Variants in GFRA1 observed in about 807,000 individuals in gnomAD.
GFRA1 encodes the protein GDNF family receptor alpha 1.
Under a neutral mutation model 51.6 loss-of-function variants are expected in GFRA1, and 16 were observed. The observed-to-expected ratio is 0.31, with a 90% CI of 0.21 to 0.47. The LOEUF is 0.47. GFRA1 is among the 20% of genes least tolerant of loss of function. GFRA1 has a pLI of 1.00. For synonymous variants in GFRA1, 270 were observed against 241.3 expected, an observed-to-expected ratio of 1.12 and a Z score of -1.10; for missense variants, 530 against 594.3, an observed-to-expected ratio of 0.89 and a Z score of 1.13.
At chr10:116,078,201 C>A (rs1048608447) in intron 9 of GFRA1, among the ~76,000 whole-genome samples, 1 of 152,196 alleles carries the variant, frequency 6.6e-6, no homozygotes, top group Non-Finnish European at 1.5e-5. Context: ...GCTTGTATGG[C>A]AGCCTTAACA....
At chr10:116,236,482 T>C (rs1246272280) in intron 4 of GFRA1, among the ~76,000 whole-genome samples, 1 of 152,048 alleles carries the variant, frequency 6.6e-6, no homozygotes. Context: ...TAAATTAATA[T>C]GGTCCCTGCC....
chr10:116,268,174 G>C (rs1589926747), intron 4 of GFRA1, among the ~76,000 whole-genome samples: 1 of 152,166 alleles, frequency 6.6e-6, no homozygotes, highest in East Asian at 1.9e-4. Flanking sequence ...GTAGCAAAGG[G>C]TAGATGTTAC....
chr10:116,167,887 T>C (rs1397411783), intron 5 of GFRA1, among the ~76,000 whole-genome samples: 1 of 152,114 alleles, frequency 6.6e-6, no homozygotes, highest in Non-Finnish European at 1.5e-5. Context: ...AATCCAGTCC[T>C]GATTCATGAA....
intron 5 of GFRA1, among the ~76,000 whole-genome samples, chr10:116,148,663 G>A (rs1958937495): frequency 6.6e-6 from 1 of 152,152 alleles, no homozygotes; most frequent in Admixed American, 6.5e-5. Flanking sequence ...TCCAGAATGA[G>A]CTTTACTAGG....
At chr10:116,065,012 CTCTGGCT>C (rs551269575) in intron 10 of GFRA1, among the ~76,000 whole-genome samples, 3 of 152,150 alleles carry the variant, frequency 2.0e-5, no homozygotes, top group Non-Finnish European at 4.4e-5. Flanking sequence ...TAAACCAGAA[CTCTGGCT>C]TCTGGATTCC....
chr10:116,274,590 T>C (rs1334687361), upstream of GFRA1, among the ~76,000 whole-genome samples: 3 of 152,050 alleles, frequency 2.0e-5, no homozygotes, highest in East Asian at 5.8e-4. Context: ...GCGGGCTGCA[T>C]ATTGTGTGGA....
intron 8 of GFRA1, 117 bp downstream of exon 8, chr10:116,093,585 T>G: frequency 1.1e-6 from 1 of 875,246 alleles, no homozygotes; most frequent in Non-Finnish European, 1.9e-6. Flanking sequence ...AGGCACAAGG[T>G]ACAAGAGGTA....
At chr10:116,079,643 C>T (rs1275575420) in intron 9 of GFRA1, among the ~76,000 whole-genome samples, 2 of 152,068 alleles carry the variant, frequency 1.3e-5, no homozygotes, top group Non-Finnish European at 2.9e-5. Context: ...ACGGTAGAGG[C>T]CAGGGACGCT....
rs113971920 is a variant in GFRA1 at position 116,269,603 on chromosome 10, G to A, written c.335-17C>T. On this transcript the variant is annotated splice_polypyrimidine_tract_variant and intron_variant, in intron 3 of 10. Transcript: ENST00000355422. ...GATCATTTCCTAAAAACAACAGAAA[G>A]ATTGGGCTCAGATCAGAAAAACATA... is the stretch of plus-strand genomic sequence containing the variant. The A allele has an allele frequency of 1.4e-6, 2 of 1,465,882 alleles. No homozygotes were observed. The highest frequency in any genetic ancestry group is 1.4e-5 in the African/African-American group (1 of 72,194). The allele number at this position is 1,465,882 out of a possible 1,614,324, so 90.8% of individuals were successfully genotyped here. A position where few individuals can be genotyped will look rare whatever the true frequency, so the allele number is the denominator to read the frequency against.
chr10:116,246,701 C>A lies in GFRA1; in HGVS notation c.418+22802G>T, dbSNP rs148870506. On this transcript the variant is annotated intron_variant, in intron 4 of 10. Transcript: ENST00000355422. ...AAATAGTAAATTAAAAGCAAAATAG[C>A]AATTAGTAAATTAAAGGATGACTAC... 3.6e-3 allele frequency among the ~76,000 whole-genome samples: 553 copies of A among 152,130 alleles called. 4 individuals carry two copies. Among genetic ancestry groups the A allele is most frequent in the African/African-American group, 0.013 (534 of 41,508 alleles).
intron 6 of GFRA1, among the ~76,000 whole-genome samples, chr10:116,111,712 A>G (rs1957220449): frequency 6.6e-6 from 1 of 152,216 alleles, no homozygotes; most frequent in Non-Finnish European, 1.5e-5. Context: ...GCAGCAGGGA[A>G]TGGTAAGCCC....
At chr10:116,196,567 TA>T (rs1446230153) in intron 5 of GFRA1, among the ~76,000 whole-genome samples, 743 of 52,688 alleles carry the variant, frequency 0.014, 38 homozygotes, top group Non-Finnish European at 0.023. Context: ...ATACTATATA[TA>T]ATATATATAA....
chr10:116,236,690 A>G (rs1409401790), intron 4 of GFRA1, among the ~76,000 whole-genome samples: 1 of 152,196 alleles, frequency 6.6e-6, no homozygotes, highest in Non-Finnish European at 1.5e-5. Flanking sequence ...ATGGAGTTGA[A>G]GAAGGAGAAT....
chr10:116,126,898 A>G (rs551857922), intron 5 of GFRA1, among the ~76,000 whole-genome samples: 2 of 152,314 alleles, frequency 1.3e-5, no homozygotes, highest in South Asian at 2.1e-4. Context: ...GGCACACGGT[A>G]TATTATTCAG....
At chr10:116,078,176 T>C (rs1955697260) in intron 9 of GFRA1, among the ~76,000 whole-genome samples, 2 of 152,174 alleles carry the variant, frequency 1.3e-5, no homozygotes, top group African/African-American at 4.8e-5. Flanking sequence ...ATTGAAAATG[T>C]AGTTGAGCAT....
intron 6 of GFRA1, among the ~76,000 whole-genome samples, chr10:116,097,745 CTG>C (rs1226649174): frequency 1.3e-5 from 2 of 152,214 alleles, no homozygotes; most frequent in Non-Finnish European, 2.9e-5. Context: ...CAATGGGAGG[CTG>C]TCTCAGTTCT....
chr10:116,064,061 C>G lies in GFRA1; in HGVS notation c.*337G>C, dbSNP rs557193251. Reference sequence around the variant, plus strand: ...AAATCATCATCATGATCATGATGATCATCATCATGATCATGATGATCATCA... The same window carrying G: ...AAATCATCATCATGATCATGATGATGATCATCATGATCATGATGATCATCA... On this transcript the variant is annotated 3_prime_UTR_variant, in exon 11 of 11. Coordinates refer to ENST00000355422, the MANE Select transcript of GFRA1 (RefSeq NM_005264.8). 1.0e-3 allele frequency: 140 copies of G among 133,680 alleles called. 2 individuals are homozygous for G. Among genetic ancestry groups the G allele is most frequent in the Middle Eastern group, 8.0e-3 (3 of 376 alleles). 8.3% of individuals were successfully genotyped at this position (133,680 alleles called of 1,614,324 possible).
intron 9 of GFRA1, among the ~76,000 whole-genome samples, chr10:116,087,772 C>T (rs574819246): frequency 1.3e-5 from 2 of 152,210 alleles, no homozygotes; most frequent in South Asian, 2.1e-4. Context: ...GCAGAGCACC[C>T]GCTGGAGATG....
At chr10:116,205,509 A>G (rs1184833814) in intron 5 of GFRA1, among the ~76,000 whole-genome samples, 1 of 151,638 alleles carries the variant, frequency 6.6e-6, no homozygotes, top group East Asian at 1.9e-4. Flanking sequence ...TGGGAGGCAG[A>G]GGTTGCAGTG....
Sources: allele counts gnomAD v4.1 joint callset (sites outside exome capture counted in the v4.1 genomes callset), GRCh38; gene constraint gnomAD v4.1.1; transcripts MANE v1.5; gene names NCBI Gene and HGNC (gene_info 2026-07-23, HGNC 2026-07-21).